Variants in BCL2 observed in about 807,000 individuals in gnomAD.
BCL2 encodes the protein BCL2 apoptosis regulator.
BCL2 carries 1 observed loss-of-function variant against 14.2 expected under a neutral mutation model. The ratio of observed to expected loss-of-function variants is 0.07; its 90% CI spans 0.02 to 0.33. The LOEUF (loss-of-function observed/expected upper bound fraction) is 0.33. Ranked by LOEUF, BCL2 falls within the 10% of genes least tolerant of loss-of-function variation. The probability of loss-of-function intolerance (pLI) is 0.99; values close to 1 mark genes in which losing one functional copy is unlikely to be tolerated. For synonymous variants in BCL2, 151 were observed against 137.2 expected (o/e 1.10, Z -0.70); for missense variants, 247 against 305.9 (o/e 0.81, Z 1.44).
At chr18:63,200,815 G>A (rs1052667039) in intron 2 of BCL2, among the ~76,000 whole-genome samples, 5 of 151,932 alleles carry the variant, frequency 3.3e-5, no homozygotes, top group African/African-American at 1.2e-4. Flanking sequence ...TAGAGATGGG[G>A]TCTCGCTAGG....
intron 2 of BCL2, among the ~76,000 whole-genome samples, chr18:63,281,507 A>G (rs1466510167): frequency 1.3e-5 from 2 of 151,986 alleles, no homozygotes; most frequent in Non-Finnish European, 2.9e-5. Context: ...CTCTACAAAA[A>G]AATACAAAAA....
chr18:63,260,644 C>T (rs182003097), intron 2 of BCL2, among the ~76,000 whole-genome samples: 145 of 152,102 alleles, frequency 9.5e-4, no homozygotes, highest in Middle Eastern at 3.4e-3. Context: ...TAATGAGGCT[C>T]TGCGTTATGA....
intron 2 of BCL2, among the ~76,000 whole-genome samples, chr18:63,306,200 T>C (rs901308796): frequency 3.3e-5 from 5 of 152,230 alleles, no homozygotes; most frequent in African/African-American, 1.2e-4. Context: ...AACTGAGCCA[T>C]GTTCTAAAGC....
intron 2 of BCL2, among the ~76,000 whole-genome samples, chr18:63,217,766 C>G (rs1465013802): frequency 6.6e-6 from 1 of 152,198 alleles, no homozygotes; most frequent in Non-Finnish European, 1.5e-5. Context: ...ACAAAGTGAT[C>G]TTTAGAAACC....
At chr18:63,175,957 G>T (rs1915339452) in intron 2 of BCL2, among the ~76,000 whole-genome samples, 1 of 152,188 alleles carries the variant, frequency 6.6e-6, no homozygotes, top group Non-Finnish European at 1.5e-5. Flanking sequence ...TTGTTATGAT[G>T]GAAGGATACA....
chr18:63,131,240 G>A (rs1914062459), intron 2 of BCL2, among the ~76,000 whole-genome samples: 1 of 152,178 alleles, frequency 6.6e-6, no homozygotes, highest in Non-Finnish European at 1.5e-5. Flanking sequence ...CCAGACCAGC[G>A]ACTGCTAACC....
intron 2 of BCL2, among the ~76,000 whole-genome samples, chr18:63,307,539 C>T (rs1913182282): frequency 6.6e-6 from 1 of 152,196 alleles, no homozygotes; most frequent in South Asian, 2.1e-4. Context: ...TCAAAGGAAA[C>T]TTGTGCAATG....
At chr18:63,185,818 C>T (rs1791773606) in intron 2 of BCL2, among the ~76,000 whole-genome samples, 1 of 152,230 alleles carries the variant, frequency 6.6e-6, no homozygotes, top group African/African-American at 2.4e-5. Flanking sequence ...TAGTAAGTAA[C>T]AGAGCCAGGA....
chr18:63,177,095 T>C (rs988658615), intron 2 of BCL2, among the ~76,000 whole-genome samples: 9 of 152,060 alleles, frequency 5.9e-5, no homozygotes, highest in African/African-American at 2.2e-4. Flanking sequence ...TTTTCTATTT[T>C]TAGTAGAGAC....
At chr18:63,263,331 C>T (rs1423662534) in intron 2 of BCL2, among the ~76,000 whole-genome samples, 9 of 152,182 alleles carry the variant, frequency 5.9e-5, no homozygotes, top group Admixed American at 5.9e-4. Context: ...AATTTTACTT[C>T]CACTGGGATT....
At chr18:63,287,633 A>G (rs1599291805) in intron 2 of BCL2, among the ~76,000 whole-genome samples, 1 of 152,316 alleles carries the variant, frequency 6.6e-6, no homozygotes, top group African/African-American at 2.4e-5. Context: ...AAAAATGATG[A>G]ATTTTACTGT....
intron 2 of BCL2, among the ~76,000 whole-genome samples, chr18:63,180,864 A>G (rs1915466559): frequency 6.6e-6 from 1 of 152,244 alleles, no homozygotes; most frequent in Non-Finnish European, 1.5e-5. Flanking sequence ...AGCAAAAACA[A>G]TAAGCAGTAA....
intron 2 of BCL2, among the ~76,000 whole-genome samples, chr18:63,277,853 G>A (rs1288142568): frequency 1.3e-5 from 2 of 152,164 alleles, no homozygotes; most frequent in African/African-American, 4.8e-5. Flanking sequence ...TTTCAGGACA[G>A]GCTCTGTGTG....
At chr18:63,203,231 T>C (rs1441786015) in intron 2 of BCL2, among the ~76,000 whole-genome samples, 1 of 152,176 alleles carries the variant, frequency 6.6e-6, no homozygotes, top group African/African-American at 2.4e-5. Context: ...CAAGGTTTTA[T>C]TTAAAAAAAC....
intron 2 of BCL2, among the ~76,000 whole-genome samples, chr18:63,220,102 GA>G (rs1388125828): frequency 6.6e-6 from 1 of 152,152 alleles, no homozygotes; most frequent in Admixed American, 6.5e-5. Flanking sequence ...GGAAGTAGCT[GA>G]AAAAACAAGA....
chr18:63,150,534 ATT>A (rs149878221), intron 2 of BCL2, among the ~76,000 whole-genome samples: 17,865 of 151,372 alleles, frequency 0.12, 1,374 homozygotes, highest in East Asian at 0.36. Flanking sequence ...TTCTCTCCGC[ATT>A]TTCTTGGCTC....
At chr18:63,317,432 G>A in intron 2 of BCL2, 1 of 648,778 alleles carries the variant, frequency 1.5e-6, no homozygotes, top group Non-Finnish European at 1.9e-6. Context: ...ACGCCCACTG[G>A]GAACATGGCA....
Position 63,217,688 on chromosome 18 carries a change from C to T in BCL2, c.586-88929G>A, listed in dbSNP as rs565491507. On this transcript the variant is annotated intron_variant, in intron 2 of 2. Transcript: ENST00000333681. ...TCCCAGCTTTTCCACTAACTGGCCACGTGTCTGTGGGCAAATGGCTTTATC... is the reference window on the plus strand; with the variant it reads ...TCCCAGCTTTTCCACTAACTGGCCATGTGTCTGTGGGCAAATGGCTTTATC... Among the ~76,000 whole-genome samples, 9 of 152,280 alleles carry T rather than the reference C, an allele frequency of 5.9e-5. No homozygotes were observed. The East Asian group carries it at 1.3e-3, about 23-fold the overall frequency.
At position 63,125,493 on chromosome 18, in the gene BCL2, G is replaced by T. The variant is rs980328130; in HGVS notation, c.*3132C>A. On this transcript the variant is annotated 3_prime_UTR_variant, in exon 3 of 3. Coordinates refer to ENST00000333681, the MANE Select transcript of BCL2 (RefSeq NM_000633.3). The stretch of plus-strand genomic sequence containing the variant: ...TTTTGGGGCTTTTTTTAGAGCCCTT[G>T]TCCCCAATTTGGAAAGTGCATATAC... 1 of 218,116 alleles carries T rather than the reference G, an allele frequency of 4.6e-6. No homozygotes were observed. The highest frequency in any genetic ancestry group is 9.2e-6 in the Non-Finnish European group (1 of 108,544). 13.5% of individuals were successfully genotyped at this position (218,116 alleles called of 1,614,324 possible). A position where few individuals can be genotyped will look rare whatever the true frequency, so the allele number is the denominator to read the frequency against.
Sources: allele counts gnomAD v4.1 joint callset (sites outside exome capture counted in the v4.1 genomes callset), GRCh38; gene constraint gnomAD v4.1.1; transcripts MANE v1.5; gene names NCBI Gene and HGNC (gene_info 2026-07-23, HGNC 2026-07-21).